ICA1: variants seen among roughly 807,000 people sequenced by gnomAD.
ICA1 encodes the protein islet cell autoantigen 1, also known as 69 kDa islet cell autoantigen.
A neutral mutation model predicts 71.0 loss-of-function variants in ICA1; 40 were observed. The ratio of observed to expected loss-of-function variants is 0.56; its 90% confidence interval spans 0.44 to 0.73. The LOEUF (loss-of-function observed/expected upper bound fraction) is 0.73, where lower values mean the gene tolerates loss of function less well. Ranked by LOEUF, ICA1 falls within the 30% of genes least tolerant of loss-of-function variation. The pLI, the probability that ICA1 is intolerant of heterozygous loss-of-function variation, is 0.00. For missense variants in ICA1, 578 were observed against 576.5 expected (o/e 1.00, Z -0.03); for synonymous variants, 207 against 209.5 (o/e 0.99, Z 0.10).
intron 6 of ICA1, among the ~76,000 whole-genome samples, chr7:8,209,409 T>C (rs1055936409): frequency 9.9e-5 from 15 of 152,214 alleles, no homozygotes; most frequent in Non-Finnish European, 1.6e-4. Context: ...TAAGTATAGA[T>C]GGTATCTTCT....
At chr7:8,217,011 AG>A (rs1451237455) in intron 6 of ICA1, among the ~76,000 whole-genome samples, 1 of 152,266 alleles carries the variant, frequency 6.6e-6, no homozygotes. Flanking sequence ...TTAGAAAGTT[AG>A]AAAACTTCAA....
intron 6 of ICA1, among the ~76,000 whole-genome samples, chr7:8,202,840 G>A (rs2128337877): frequency 6.8e-6 from 1 of 148,094 alleles, no homozygotes; most frequent in South Asian, 2.2e-4. Flanking sequence ...CTCCTAAGAG[G>A]AAGAACCAGC....
At chr7:8,218,030 TGACA>T (rs1250850887) in intron 6 of ICA1, among the ~76,000 whole-genome samples, 1 of 152,254 alleles carries the variant, frequency 6.6e-6, no homozygotes, top group Non-Finnish European at 1.5e-5. Flanking sequence ...CATTTAAATG[TGACA>T]ATCTTACAAA....
intron 6 of ICA1, among the ~76,000 whole-genome samples, chr7:8,160,575 T>C (rs1391281987): frequency 5.9e-5 from 9 of 152,224 alleles, no homozygotes; most frequent in African/African-American, 2.2e-4. Flanking sequence ...AAGGATTCTA[T>C]GGAATTGGAA....
intron 12 of ICA1, among the ~76,000 whole-genome samples, chr7:8,134,177 T>A (rs895028814): frequency 6.6e-6 from 1 of 152,304 alleles, no homozygotes; most frequent in African/African-American, 2.4e-5. Flanking sequence ...AGATGACAGA[T>A]CCATTCAGCA....
chr7:8,144,106 G>A lies in ICA1; in HGVS notation c.805-134C>T. The A allele has an allele frequency of 1.6e-6, 1 of 618,092 alleles. No homozygotes were observed. Among genetic ancestry groups the A allele is most frequent in the Non-Finnish European group, 2.8e-6 (1 of 352,820 alleles). The allele number at this position is 618,092 out of a possible 1,614,324, so 38.3% of individuals were successfully genotyped here. ...CCAGCAACCAAACTTTGAATTACAG[G>A]TATTGGGAGGTGACCTTGAACCAAT... On this transcript the variant is annotated intron_variant, in intron 8 of 13. Transcript: ENST00000402384. The surrounding 1 kb of genome is among the most constrained non-coding windows in gnomAD (Gnocchi z 4.5).
chr7:8,173,173 T>A lies in ICA1; in HGVS notation c.580-14521A>T, dbSNP rs555207319. The stretch of plus-strand genomic sequence containing the variant: ...CTGACTATCATGTCCCCTCTCTAAG[T>A]AACCAGGGCTCCTTGACAAAACTGC... On this transcript the variant is annotated intron_variant, in intron 6 of 13. Coordinates refer to ENST00000402384, the MANE Select transcript of ICA1 (RefSeq NM_001136020.3). The surrounding 1 kb of genome is among the most constrained non-coding windows in gnomAD (Gnocchi z 4.0). Among the ~76,000 whole-genome samples, 45 of 152,264 alleles carry A rather than the reference T, an allele frequency of 3.0e-4. No individual in the cohort carries two copies. Among genetic ancestry groups the A allele is most frequent in the Non-Finnish European group, 5.4e-4 (37 of 68,016 alleles).
rs542869081 is a variant in ICA1, at chr7:8,246,997, T to C, written c.-79-10992A>G. Among the ~76,000 whole-genome samples the C allele has an allele frequency of 1.6e-3, 244 of 152,240 alleles. 1 individual carries two copies. Among genetic ancestry groups the C allele is most frequent in the African/African-American group, 5.6e-3 (233 of 41,568 alleles). Reference sequence around the variant, plus strand: ...TCCTGACCTCATGATCCACCCGCCTTGGCCTCCCAAAGTGCTGGGATTACA... The same window carrying C: ...TCCTGACCTCATGATCCACCCGCCTCGGCCTCCCAAAGTGCTGGGATTACA... On this transcript the variant is annotated intron_variant, in intron 1 of 13. Transcript: ENST00000402384.
chr7:8,211,123 C>T (rs998850777), intron 6 of ICA1, among the ~76,000 whole-genome samples: 4 of 152,204 alleles, frequency 2.6e-5, no homozygotes, highest in Non-Finnish European at 5.9e-5. Context: ...TACTCCAGCC[C>T]ACATTGTGGG....
chr7:8,250,206 T>C (rs919303095), intron 1 of ICA1, among the ~76,000 whole-genome samples: 2 of 152,258 alleles, frequency 1.3e-5, no homozygotes, highest in Non-Finnish European at 2.9e-5. Flanking sequence ...TGTCACTTCC[T>C]CTTATGTCAA....
At chr7:8,238,152 G>T (rs1299440129) in intron 1 of ICA1, among the ~76,000 whole-genome samples, 1 of 152,048 alleles carries the variant, frequency 6.6e-6, no homozygotes, top group Non-Finnish European at 1.5e-5. Context: ...CAATTCTTTT[G>T]CACAAATACA....
intron 8 of ICA1, among the ~76,000 whole-genome samples, chr7:8,146,857 TACACACAC>T (rs112979260): frequency 1.6e-5 from 2 of 125,480 alleles, no homozygotes; most frequent in South Asian, 3.0e-4. Flanking sequence ...TTTATTCATG[TACACACAC>T]ACACACACAC....
chr7:8,148,953 C>T (rs1797928860), intron 8 of ICA1, among the ~76,000 whole-genome samples: 1 of 152,200 alleles, frequency 6.6e-6, no homozygotes, highest in Non-Finnish European at 1.5e-5. Context: ...CGTTGGATCA[C>T]AAACGCTCAA....
At chr7:8,224,993 A>G (rs1314800547) in intron 4 of ICA1, among the ~76,000 whole-genome samples, 1 of 152,236 alleles carries the variant, frequency 6.6e-6, no homozygotes, top group African/African-American at 2.4e-5. Flanking sequence ...CATGATGTCA[A>G]GCTCAACCAC....
intron 13 of ICA1, among the ~76,000 whole-genome samples, chr7:8,117,062 C>T (rs184854006): frequency 1.3e-4 from 20 of 152,218 alleles, no homozygotes; most frequent in African/African-American, 1.9e-4. Context: ...TGAATTCTCG[C>T]GAGATCTGAT....
chr7:8,121,016 T>C (rs906148181), intron 13 of ICA1, among the ~76,000 whole-genome samples: 2 of 152,194 alleles, frequency 1.3e-5, no homozygotes, highest in Non-Finnish European at 2.9e-5. Flanking sequence ...TCAGGCCTAG[T>C]TTCCATGCCT....
intron 6 of ICA1, among the ~76,000 whole-genome samples, chr7:8,193,255 A>G (rs1329124973): frequency 2.0e-5 from 3 of 152,234 alleles, no homozygotes; most frequent in African/African-American, 4.8e-5. Context: ...AAACACATAC[A>G]CACATGTATG....
chr7:8,207,115 G>A (rs1791875305), intron 6 of ICA1, among the ~76,000 whole-genome samples: 1 of 152,200 alleles, frequency 6.6e-6, no homozygotes, highest in Non-Finnish European at 1.5e-5. Flanking sequence ...GTCACCAACA[G>A]AACCACAGTG....
At chr7:8,191,727 A>G (rs1785715433) in intron 6 of ICA1, among the ~76,000 whole-genome samples, 1 of 151,846 alleles carries the variant, frequency 6.6e-6, no homozygotes, top group Admixed American at 6.6e-5. Context: ...TATTATTATA[A>G]TATTGTATAA....
Sources: gnomAD v4.1 joint callset for allele counts (sites outside exome capture counted in the v4.1 genomes callset) on GRCh38, gnomAD v4.1.1 for gene constraint, Gnocchi (gnomAD v3.1) non-coding constraint, MANE v1.5 for transcripts, NCBI Gene and HGNC (gene_info 2026-07-23, HGNC 2026-07-21) for gene names.